The following TENM3 variants were observed in gnomAD, a reference collection of about 807,000 sequenced individuals.
TENM3 encodes teneurin transmembrane protein 3.
Under a neutral mutation model 255.1 loss-of-function variants are expected in TENM3, and 63 were observed. The observed-to-expected ratio is 0.25, with a 90% confidence interval of 0.20 to 0.30. The LOEUF (loss-of-function observed/expected upper bound fraction) is 0.30, where lower values mean the gene tolerates loss of function less well. Ranked by LOEUF, TENM3 falls within the 10% of genes least tolerant of loss-of-function variation. The pLI is 1.00. For synonymous variants in TENM3, 1,306 were observed against 1,322.3 expected, an observed-to-expected ratio of 0.99 and a Z score of 0.27; for missense variants, 2,929 against 3,461.1, an observed-to-expected ratio of 0.85 and a Z score of 3.86.
the TENM3 span, among the ~76,000 whole-genome samples, chr4:182,132,322 A>T: frequency 2.0e-5 from 3 of 152,004 alleles, no homozygotes; most frequent in African/African-American, 4.8e-5. Context: ...TACTAAAAAA[A>T]AACCAACAAA....
chr4:182,784,406 C>T (rs903334901), intron 24 of TENM3, among the ~76,000 whole-genome samples: 2 of 151,778 alleles, frequency 1.3e-5, no homozygotes, highest in Non-Finnish European at 2.9e-5. Context: ...AGGCACTCTG[C>T]CAGTTTTCAG....
In TENM3 at chr4:182,755,409, G is replaced by T; in HGVS notation, c.4892+150G>T. ...TTTTGGATCCCGGCTGGGCACGGTG[G>T]CTCATTCCCGTAGTCTCAGCTCCTG... On this transcript the variant is annotated intron_variant, in intron 22 of 27. Transcript: ENST00000511685. 5.5e-6 allele frequency: 4 copies of T among 723,588 alleles called. No individual in the cohort carries two copies. The South Asian group carries it at 8.5e-5, about 15-fold the overall frequency. The allele number at this position is 723,588 out of a possible 1,614,324, so 44.8% of individuals were successfully genotyped here. A position where few individuals can be genotyped will look rare whatever the true frequency, so the allele number is the denominator to read the frequency against.
At chr4:182,455,454 C>A (rs1561465079) in intron 3 of TENM3, among the ~76,000 whole-genome samples, 1 of 152,176 alleles carries the variant, frequency 6.6e-6, no homozygotes, top group East Asian at 1.9e-4. Flanking sequence ...TACTGCTCCT[C>A]CACTCCCACC....
the TENM3 span, among the ~76,000 whole-genome samples, chr4:182,101,818 T>C: frequency 6.6e-6 from 1 of 152,192 alleles, no homozygotes; most frequent in Admixed American, 6.6e-5. Context: ...GATGGATATA[T>C]TACTCAGGTC....
intron 1 of TENM3, among the ~76,000 whole-genome samples, chr4:182,308,292 T>C (rs1472896822): frequency 6.6e-6 from 1 of 152,100 alleles, no homozygotes; most frequent in Non-Finnish European, 1.5e-5. Flanking sequence ...ATGAAAACTT[T>C]TTAAAATTAT....
At chr4:181,886,079 G>T in the TENM3 span, among the ~76,000 whole-genome samples, 10 of 137,136 alleles carry the variant, frequency 7.3e-5, no homozygotes, top group South Asian at 2.4e-3. Context: ...TTGAGACAGG[G>T]TCTCCCTCCA....
At chr4:181,563,307 C>G in the TENM3 span, among the ~76,000 whole-genome samples, 9 of 152,178 alleles carry the variant, frequency 5.9e-5, no homozygotes, top group Non-Finnish European at 1.3e-4. Flanking sequence ...AAGCCTCACT[C>G]TGATCTCTGG....
the TENM3 span, among the ~76,000 whole-genome samples, chr4:182,109,895 C>T: frequency 6.6e-6 from 1 of 152,118 alleles, no homozygotes; most frequent in African/African-American, 2.4e-5. Flanking sequence ...TCCAGCCTAC[C>T]ACCTCTTTTT....
chr4:182,766,181 C>G (rs986210797), intron 22 of TENM3, among the ~76,000 whole-genome samples: 3 of 152,040 alleles, frequency 2.0e-5, no homozygotes, highest in Admixed American at 1.3e-4. Flanking sequence ...AGGGGTTTGT[C>G]CTCTGAGCAC....
chr4:182,479,168 C>T (rs569407433), intron 3 of TENM3, among the ~76,000 whole-genome samples: 20 of 151,918 alleles, frequency 1.3e-4, no homozygotes, highest in East Asian at 7.7e-4. Context: ...ACACAAAATA[C>T]AGTCTTTTAG....
At chr4:182,594,387 G>T (rs1746973318) in intron 3 of TENM3, among the ~76,000 whole-genome samples, 1 of 152,038 alleles carries the variant, frequency 6.6e-6, no homozygotes, top group Non-Finnish European at 1.5e-5. Flanking sequence ...AATTAGCTGG[G>T]CATGGTGGCA....
At chr4:182,362,994 A>T (rs1206318592) in intron 3 of TENM3, among the ~76,000 whole-genome samples, 1 of 152,224 alleles carries the variant, frequency 6.6e-6, no homozygotes, top group African/African-American at 2.4e-5. Context: ...GATTGATTGA[A>T]ATCATAACCA....
the TENM3 span, among the ~76,000 whole-genome samples, chr4:182,055,911 CAT>C: frequency 6.6e-6 from 1 of 152,104 alleles, no homozygotes; most frequent in Non-Finnish European, 1.5e-5. Flanking sequence ...TACAAAAACT[CAT>C]GTGCAGGATA....
At chr4:181,827,251 TA>T in the TENM3 span, among the ~76,000 whole-genome samples, 1 of 152,172 alleles carries the variant, frequency 6.6e-6, no homozygotes, top group South Asian at 2.1e-4. Flanking sequence ...GGTAACTCTT[TA>T]AGATCCGTAT....
the TENM3 span, among the ~76,000 whole-genome samples, chr4:181,476,861 C>T: frequency 6.6e-6 from 1 of 152,148 alleles, no homozygotes; most frequent in Non-Finnish European, 1.5e-5. Flanking sequence ...AGGACAGTCT[C>T]TGGATGGGAT....
At chr4:181,679,264 ATCT>A in the TENM3 span, among the ~76,000 whole-genome samples, 3 of 151,992 alleles carry the variant, frequency 2.0e-5, no homozygotes, top group Non-Finnish European at 4.4e-5. Context: ...TTGTCTTTAA[ATCT>A]TCTTCCACCA....
chr4:181,847,451 A>G, the TENM3 span, among the ~76,000 whole-genome samples: 12 of 152,256 alleles, frequency 7.9e-5, no homozygotes, highest in East Asian at 2.3e-3. Context: ...TACCCTACTT[A>G]TGGGCTTTCT....
the TENM3 span, among the ~76,000 whole-genome samples, chr4:181,479,385 C>A: frequency 6.6e-6 from 1 of 152,174 alleles, no homozygotes; most frequent in Non-Finnish European, 1.5e-5. Flanking sequence ...CATAGCATGG[C>A]TGTGAAAACT....
upstream of TENM3, among the ~76,000 whole-genome samples, chr4:182,241,098 G>A (rs965207886): frequency 6.6e-6 from 1 of 152,092 alleles, no homozygotes; most frequent in Non-Finnish European, 1.5e-5. Flanking sequence ...TCCCATTCTT[G>A]ACAGTTTAAC....
Sources: gnomAD v4.1 joint callset for allele counts (sites outside exome capture counted in the v4.1 genomes callset) on GRCh38, gnomAD v4.1.1 for gene constraint, MANE v1.5 for transcripts, NCBI Gene and HGNC (gene_info 2026-07-23, HGNC 2026-07-21) for gene names.